Variants in BDP1 observed in about 807,000 individuals in gnomAD.
BDP1 encodes BDP1 general transcription factor IIIB subunit.
Under a neutral mutation model 266.6 loss-of-function variants are expected in BDP1, and 169 were observed. The ratio of observed to expected loss-of-function variants is 0.63; its 90% CI spans 0.56 to 0.72. The LOEUF (loss-of-function observed/expected upper bound fraction) is 0.72, where lower values mean the gene tolerates loss of function less well. Among genes scored for constraint, BDP1 ranks in the 30% least tolerant of loss-of-function variants. The probability of loss-of-function intolerance (pLI) is 0.00; values close to 1 mark genes in which losing one functional copy is unlikely to be tolerated. For synonymous variants in BDP1, 1,090 were observed against 1,022.4 expected, an observed-to-expected ratio of 1.07 and a Z score of -1.26; for missense variants, 3,015 against 3,053.8, an observed-to-expected ratio of 0.99 and a Z score of 0.30.
intron 8 of BDP1, among the ~76,000 whole-genome samples, chr5:71,484,736 A>G (rs564078749): frequency 1.9e-4 from 29 of 152,216 alleles, no homozygotes; most frequent in Admixed American, 1.6e-3. Flanking sequence ...ACAGCTGTGG[A>G]CAGGAATATA....
chr5:71,513,117 T>C lies in BDP1; in HGVS notation c.4248-68T>C, dbSNP rs547118575. On this transcript the variant is annotated intron_variant, in intron 18 of 38. Transcript: ENST00000358731. Reference sequence around the variant, plus strand: ...AATGTTTACCGCCAGTCTCTAAGGTTGTACTGAGACTCCGTTTCCACTGCC... The same window carrying C: ...AATGTTTACCGCCAGTCTCTAAGGTCGTACTGAGACTCCGTTTCCACTGCC... 13 of 1,098,634 alleles carry C rather than the reference T, an allele frequency of 1.2e-5. No individual in the cohort carries two copies. In the African/African-American group the frequency reaches 1.9e-4, roughly 16 times the overall value. 68.1% of individuals were successfully genotyped at this position (1,098,634 alleles called of 1,614,324 possible). A position where few individuals can be genotyped will look rare whatever the true frequency, so the allele number is the denominator to read the frequency against.
chr5:71,505,401 T>C (rs1764524087), intron 16 of BDP1, among the ~76,000 whole-genome samples: 1 of 152,246 alleles, frequency 6.6e-6, no homozygotes, highest in Admixed American at 6.5e-5. Context: ...TGGAATTAGA[T>C]TGAGCACATA....
intron 21 of BDP1, among the ~76,000 whole-genome samples, chr5:71,516,916 G>A (rs1045696069): frequency 6.6e-6 from 1 of 151,854 alleles, no homozygotes; most frequent in Non-Finnish European, 1.5e-5. Flanking sequence ...ATTAAACTTT[G>A]TTTATTTTTA....
At chr5:71,555,433 T>G (rs1260284840) in intron 35 of BDP1, among the ~76,000 whole-genome samples, 3 of 150,598 alleles carry the variant, frequency 2.0e-5, no homozygotes, top group Non-Finnish European at 4.4e-5. Flanking sequence ...TTTTGTAGTT[T>G]TCTTTATTCT....
chr5:71,485,618 C>T lies in BDP1; in HGVS notation c.1070-866C>T, dbSNP rs1763219336. 2.0e-5 allele frequency among the ~76,000 whole-genome samples: 3 copies of T among 152,194 alleles called. No homozygotes were observed. The South Asian group carries it at 6.2e-4, about 31-fold the overall frequency. ...GCTTATGTGCATAGAGCACCATTTTCTCTACATTGACTTTAAGTTCAAGCA... is the reference window on the plus strand; with the variant it reads ...GCTTATGTGCATAGAGCACCATTTTTTCTACATTGACTTTAAGTTCAAGCA... On this transcript the variant is annotated intron_variant, in intron 8 of 38. Transcript: ENST00000358731.
downstream of BDP1, among the ~76,000 whole-genome samples, chr5:71,571,570 A>G (rs925524499): frequency 2.6e-5 from 4 of 152,312 alleles, no homozygotes; most frequent in African/African-American, 7.2e-5. Context: ...TGAGCATCAG[A>G]ATCACCTTGG....
intron 1 of BDP1, 89 bp from the exon 2 acceptor site, chr5:71,458,490 G>T (rs925617131): frequency 1.0e-6 from 1 of 961,642 alleles, no homozygotes; most frequent in Non-Finnish European, 1.5e-6. Context: ...CGAGATTGCA[G>T]TTTTGGATTT....
Position 71,560,240 on chromosome 5 carries a change from A to C in BDP1, c.7496+3A>C. ...TCTTCTAAAGCCTCACTATCCAGGT[A>C]TCATGAACAAATCTTTAATAAGTGT... On this transcript the variant is annotated splice_donor_region_variant and intron_variant, in intron 37 of 38. Coordinates refer to ENST00000358731, the MANE Select transcript of BDP1 (RefSeq NM_018429.3). 6.2e-7 allele frequency: 1 copy of C among 1,612,716 alleles called. No homozygotes were observed. The highest frequency in any genetic ancestry group is 8.5e-7 in the Non-Finnish European group (1 of 1,179,378).
intron 17 of BDP1, 124 bp downstream of exon 17, chr5:71,511,275 T>C (rs901389148): frequency 7.4e-6 from 7 of 947,742 alleles, no homozygotes; most frequent in South Asian, 1.7e-5. Context: ...CTAAAGTCTT[T>C]TGTAGCCCTA....
At chr5:71,562,704 T>G in intron 38 of BDP1, 184 bp downstream of exon 38, 1 of 1,488,314 alleles carries the variant, frequency 6.7e-7, no homozygotes, top group South Asian at 1.2e-5. Flanking sequence ...GTCAGGAAGT[T>G]ACAGTTAGAT....
At chr5:71,505,716 C>T (rs1764541154) in intron 16 of BDP1, among the ~76,000 whole-genome samples, 2 of 152,108 alleles carry the variant, frequency 1.3e-5, no homozygotes, top group Admixed American at 1.3e-4. Flanking sequence ...TAAATAGTAC[C>T]TAGCTGGGCA....
chr5:71,543,920 A>G (rs746288143), intron 30 of BDP1, among the ~76,000 whole-genome samples: 4 of 152,208 alleles, frequency 2.6e-5, no homozygotes, highest in Non-Finnish European at 5.9e-5. Context: ...ACCTCTCTCA[A>G]CGTGCAGTCT....
chr5:71,521,593 CTA>C (rs1329127689), intron 22 of BDP1, among the ~76,000 whole-genome samples: 1 of 152,088 alleles, frequency 6.6e-6, no homozygotes, highest in African/African-American at 2.4e-5. Flanking sequence ...TGCCTGGTCT[CTA>C]TTAGTTTTTA....
chr5:71,502,473 C>G, intron 14 of BDP1, 126 bp from the exon 15 acceptor site: 2 of 887,218 alleles, frequency 2.3e-6, no homozygotes, highest in East Asian at 2.7e-5. Context: ...TGCGCCCGGG[C>G]GGATTATGTC....
At chr5:71,467,228 C>T (rs1396966433) in intron 5 of BDP1, 126 bp from the exon 6 acceptor site, 28 of 740,186 alleles carry the variant, frequency 3.8e-5, no homozygotes, top group Admixed American at 8.0e-5. Flanking sequence ...CCATATTTCA[C>T]ATAGGTATTA....
At chr5:71,529,742 T>C (rs901506349) in intron 25 of BDP1, among the ~76,000 whole-genome samples, 2 of 152,186 alleles carry the variant, frequency 1.3e-5, no homozygotes, top group Non-Finnish European at 2.9e-5. Context: ...AGTGTTGATA[T>C]GTGTCACAAC....
rs746340753 is a variant in BDP1 at position 71,548,746 on chromosome 5, G to A, written c.6808+1G>A. The A allele has an allele frequency of 5.0e-6, 8 of 1,587,158 alleles. No individual in the cohort carries two copies. The highest frequency in any genetic ancestry group is 6.9e-6 in the Non-Finnish European group (8 of 1,156,900). Reference sequence around the variant, plus strand: ...ATAATCAATCCTCAAGACCTAACAGGTATGATAATATGCTTCAGTGACATG... The same window carrying A: ...ATAATCAATCCTCAAGACCTAACAGATATGATAATATGCTTCAGTGACATG... On this transcript the variant is annotated splice_donor_variant, in intron 33 of 38. Transcript: ENST00000358731. LOFTEE classifies it high-confidence loss of function.
At chr5:71,577,134 T>C in the BDP1 span, among the ~76,000 whole-genome samples, 87 of 152,326 alleles carry the variant, frequency 5.7e-4, no homozygotes, top group African/African-American at 1.9e-3. Flanking sequence ...ATCTCTACTT[T>C]GATGATTTTA....
Position 71,510,360 on chromosome 5 carries a change from G to T in BDP1, c.3268G>T (p.Asp1090Tyr), listed in dbSNP as rs368256026. ...TGATGCCATTGAGGAAATAGAGATAGATTTGGAAGAAACTGAAAGAGAAAT... is the reference window on the plus strand; with the variant it reads ...TGATGCCATTGAGGAAATAGAGATATATTTGGAAGAAACTGAAAGAGAAAT... Reference protein sequence around the residue: ...VIDAIEEIEIDLEETEREISP... With the variant: ...VIDAIEEIEIYLEETEREISP... Residue 1090 changes from aspartate to tyrosine, a missense_variant, in exon 17 of 39, where the codon GAT (aspartate) becomes TAT (tyrosine). Coordinates refer to ENST00000358731, the MANE Select transcript of BDP1 (RefSeq NM_018429.3). 2.6e-5 allele frequency: 42 copies of T among 1,614,018 alleles called. No homozygotes were observed. The African/African-American group carries it at 4.4e-4, about 17-fold the overall frequency.
Sources: allele counts gnomAD v4.1 joint callset (sites outside exome capture counted in the v4.1 genomes callset), GRCh38; gene constraint gnomAD v4.1.1; transcripts MANE v1.5; gene names NCBI Gene and HGNC (gene_info 2026-07-23, HGNC 2026-07-21).